Variants in GUCY2C observed in about 807,000 individuals in gnomAD.
GUCY2C encodes guanylyl cyclase C.
Under a neutral mutation model 131.1 loss-of-function variants are expected in GUCY2C, and 118 were observed. The ratio of observed to expected loss-of-function variants is 0.90; its 90% confidence interval spans 0.78 to 1.05. The LOEUF is 1.05. Among genes scored for constraint, GUCY2C ranks in the 50% least tolerant of loss-of-function variants. GUCY2C has a pLI of 0.00. For missense variants in GUCY2C, 1,161 were observed against 1,304.4 expected (o/e 0.89, Z 1.69); for synonymous variants, 452 against 457.8 (o/e 0.99, Z 0.16).
At chr12:14,677,985 A>G (rs983408352) in intron 6 of GUCY2C, among the ~76,000 whole-genome samples, 6 of 152,058 alleles carry the variant, frequency 3.9e-5, no homozygotes, top group African/African-American at 1.4e-4. Flanking sequence ...GTTTTTATTT[A>G]AAAACTTTTT....
rs1351338647 is a variant in GUCY2C at position 14,656,705 on chromosome 12, G to T, written c.1365-88C>A. ...AGACTGGGTGAAGTTTAGAACCCTGGTATGCTCAGGTAGATATGTGTGAGG... is the reference window on the plus strand; with the variant it reads ...AGACTGGGTGAAGTTTAGAACCCTGTTATGCTCAGGTAGATATGTGTGAGG... On this transcript the variant is annotated intron_variant, in intron 11 of 26. Transcript: ENST00000261170. 3 of 663,298 alleles carry T rather than the reference G, an allele frequency of 4.5e-6. No homozygotes were observed. In the African/African-American group the frequency reaches 5.3e-5, roughly 12 times the overall value. 41.1% of individuals were successfully genotyped at this position (663,298 alleles called of 1,614,324 possible).
Position 14,676,925 on chromosome 12 carries a change from T to A in GUCY2C, c.877A>T (p.Asn293Tyr), listed in dbSNP as rs746307153. ...DNVTAPDYMK[N>Y]VLVLTLSPGN... ...GGAGACAGCGTCAGAACAAGGACAT[T>A]TTTCATATAGTCAGGGGCTGTGACA... The change falls in exon 7 of 27, where the codon AAT (asparagine) becomes TAT (tyrosine). Residue 293 changes from asparagine to tyrosine, a missense_variant. Coordinates refer to ENST00000261170, the MANE Select transcript of GUCY2C (RefSeq NM_004963.4). 1 of 1,573,934 alleles carries A rather than the reference T, an allele frequency of 6.4e-7. No individual in the cohort carries two copies. Among genetic ancestry groups the A allele is most frequent in the East Asian group, 2.3e-5 (1 of 44,352 alleles).
At chr12:14,652,318 G>T (rs772833451) in intron 13 of GUCY2C, among the ~76,000 whole-genome samples, 1 of 152,036 alleles carries the variant, frequency 6.6e-6, no homozygotes, top group African/African-American at 2.4e-5. Context: ...GGGACTACAG[G>T]CATGCACCAC....
Position 14,621,169 on chromosome 12 carries a change from C to T in GUCY2C, c.2649G>A (p.Lys883=). Residue 883 remains lysine, a synonymous_variant, in exon 23 of 27, where the codon AAG becomes AAA. Coordinates refer to ENST00000261170, the MANE Select transcript of GUCY2C (RefSeq NM_004963.4). Reference sequence around the variant, plus strand: ...CTATTGCATGCCGATTGCCATTTCTCTTAGGCAAACCACTAGCCACCATGT... The same window carrying T: ...CTATTGCATGCCGATTGCCATTTCTTTTAGGCAAACCACTAGCCACCATGT... ...DAYMVASGLP[K]RNGNRHAIDI... is the part of the protein sequence containing the mutation. The T allele has an allele frequency of 2.5e-6, 4 of 1,613,788 alleles. No individual in the cohort carries two copies. The highest frequency in any genetic ancestry group is 3.4e-6 in the Non-Finnish European group (4 of 1,179,860).
At position 14,696,314 on chromosome 12, in the gene GUCY2C, T is replaced by C. The variant is rs762869844; in HGVS notation, c.135A>G (p.Ser45=). Residue 45 remains serine, a synonymous_variant, in exon 1 of 27, where the codon TCA becomes TCG. Transcript: ENST00000261170. The part of the protein sequence containing the change: ...YEISVLMMGN[S]AFAEPLKNLE... ...AGTTTTTCAGGGGCTCTGCAAAGGC[T>C]GAGTTGCCCATCATCAGGACGCTGA... 5.0e-6 allele frequency: 8 copies of C among 1,614,054 alleles called. No individual in the cohort carries two copies. Among genetic ancestry groups the C allele is most frequent in the Admixed American group, 3.3e-5 (2 of 60,008 alleles).
intron 15 of GUCY2C, 106 bp downstream of exon 15, chr12:14,651,301 A>C (rs1947653464): frequency 4.8e-6 from 3 of 625,596 alleles, no homozygotes; most frequent in Non-Finnish European, 8.4e-6. Context: ...GACCCCACCA[A>C]CTTTCCCTGA....
At chr12:14,650,309 G>A (rs775991262) in intron 15 of GUCY2C, among the ~76,000 whole-genome samples, 3 of 152,128 alleles carry the variant, frequency 2.0e-5, no homozygotes, top group African/African-American at 7.2e-5. Context: ...GTGCAGTGGC[G>A]TGATCTCGGC....
chr12:14,642,455 G>T (rs930412172), intron 17 of GUCY2C, among the ~76,000 whole-genome samples: 3 of 152,124 alleles, frequency 2.0e-5, no homozygotes, highest in African/African-American at 7.2e-5. Context: ...GTTGTTAGGT[G>T]CAATAATATG....
intron 22 of GUCY2C, 43 bp downstream of exon 22, chr12:14,621,962 G>A (rs373014917): frequency 2.7e-5 from 37 of 1,385,858 alleles, no homozygotes; most frequent in Non-Finnish European, 3.5e-5. Flanking sequence ...ATGACCTTGA[G>A]TTGTACAATT....
At chr12:14,616,847 G>A (rs1946774057) in intron 24 of GUCY2C, 120 bp from the exon 25 acceptor site, 2 of 691,658 alleles carry the variant, frequency 2.9e-6, no homozygotes, top group African/African-American at 3.5e-5. Context: ...AAACAATTGT[G>A]GCTATTTTAA....
At chr12:14,620,950 G>T (rs1013104887) in intron 23 of GUCY2C, 92 bp downstream of exon 23, 1 of 966,088 alleles carries the variant, frequency 1.0e-6, no homozygotes, top group South Asian at 1.7e-5. Flanking sequence ...ATGTGAGGTC[G>T]ATCACACTTG....
chr12:14,685,926 A>G (rs1214450611), intron 3 of GUCY2C, among the ~76,000 whole-genome samples: 1 of 152,132 alleles, frequency 6.6e-6, no homozygotes, highest in Non-Finnish European at 1.5e-5. Context: ...CTTTTTACCC[A>G]TACCATGTTT....
intron 3 of GUCY2C, among the ~76,000 whole-genome samples, chr12:14,684,399 C>T (rs1447587672): frequency 1.3e-5 from 2 of 152,090 alleles, no homozygotes; most frequent in Non-Finnish European, 2.9e-5. Context: ...ACCCATTCTT[C>T]AACATGCAAA....
At chr12:14,621,322 A>G in intron 22 of GUCY2C, 106 bp from the exon 23 acceptor site, 1 of 929,074 alleles carries the variant, frequency 1.1e-6, no homozygotes, top group South Asian at 1.5e-5. Context: ...TTGGGAACAC[A>G]GTATGAGCAT....
intron 19 of GUCY2C, among the ~76,000 whole-genome samples, chr12:14,632,101 G>A (rs1192671212): frequency 1.3e-5 from 2 of 152,104 alleles, no homozygotes; most frequent in African/African-American, 4.8e-5. Flanking sequence ...AAATTTGTTT[G>A]AGGTCATTGT....
At chr12:14,616,821 A>T in intron 24 of GUCY2C, 94 bp from the exon 25 acceptor site, 4 of 755,028 alleles carry the variant, frequency 5.3e-6, no homozygotes, top group Non-Finnish European at 9.7e-6. Context: ...TGAGACAAGA[A>T]TCCTAAATCA....
At position 14,621,997 on chromosome 12, in the gene GUCY2C, G is replaced by T; in HGVS notation, c.2601+8C>A. The T allele has an allele frequency of 6.4e-7, 1 of 1,572,436 alleles. No individual in the cohort carries two copies. Among genetic ancestry groups the T allele is most frequent in the African/African-American group, 1.4e-5 (1 of 73,276 alleles). On this transcript the variant is annotated splice_region_variant and intron_variant, in intron 22 of 26. Coordinates refer to ENST00000261170, the MANE Select transcript of GUCY2C (RefSeq NM_004963.4). ...TAATGGTTTCAGCCTGTTAGGTGATGTGGTTACCTTGTAGACATCATGATG... is the reference window on the plus strand; with the variant it reads ...TAATGGTTTCAGCCTGTTAGGTGATTTGGTTACCTTGTAGACATCATGATG...
Position 14,639,949 on chromosome 12 carries a change from C to A in GUCY2C, c.2070G>T (p.Glu690Asp). 9 of 1,589,322 alleles carry A rather than the reference C, an allele frequency of 5.7e-6. No homozygotes were observed. The highest frequency in any genetic ancestry group is 7.8e-6 in the Non-Finnish European group (9 of 1,157,522). ...TGGAATTTTCCACTCTGAAAATCTT[C>A]TCTGGTTGGGTGAGAAAAATATAAA... Reference protein sequence around the residue: ...FYTLSCRDRNEKIFRVENSNG... With the variant: ...FYTLSCRDRNDKIFRVENSNG... Residue 690 changes from glutamate to aspartate, a missense_variant and splice_region_variant, in exon 19 of 27, where the codon GAG (glutamate) becomes GAT (aspartate). Coordinates refer to ENST00000261170, the MANE Select transcript of GUCY2C (RefSeq NM_004963.4).
At position 14,643,634 on chromosome 12, in the gene GUCY2C, T is replaced by C; in HGVS notation, c.1870A>G (p.Ser624Gly). ...TCAGTGATCTTCACCACCATTCTAC[T>C]GTCCACTACGCAGTTGGTAGATTTC... is the stretch of plus-strand genomic sequence containing the variant. Reference protein sequence around the residue: ...RLKSTNCVVDSRMVVKITDFG... With the variant: ...RLKSTNCVVDGRMVVKITDFG... Residue 624 changes from serine (S) to glycine (G), a missense_variant, in exon 17 of 27, where the codon AGT becomes GGT. Ser to Gly is a moderately conservative substitution (Grantham distance 56). Transcript: ENST00000261170. 6.2e-7 allele frequency: 1 copy of C among 1,613,338 alleles called. No homozygotes were observed. Among genetic ancestry groups the C allele is most frequent in the Admixed American group, 1.7e-5 (1 of 60,026 alleles).
Sources: allele counts gnomAD v4.1 joint callset (sites outside exome capture counted in the v4.1 genomes callset), GRCh38; gene constraint gnomAD v4.1.1; transcripts MANE v1.5; gene names NCBI Gene and HGNC (gene_info 2026-07-23, HGNC 2026-07-21).